RFX8: variants seen among roughly 807,000 people sequenced by gnomAD.
RFX8 encodes DNA-binding protein RFX8.
RFX8 carries 46 observed loss-of-function variants against 54.6 expected under a neutral mutation model. The ratio of observed to expected loss-of-function variants is 0.84; its 90% CI spans 0.67 to 1.08. RFX8 has a LOEUF of 1.08. Among genes scored for constraint, RFX8 ranks in the 50% least tolerant of loss-of-function variants. RFX8 has a pLI of 0.00. For synonymous variants in RFX8, 192 were observed against 209.5 expected, an observed-to-expected ratio of 0.92 and a Z score of 0.72; for missense variants, 536 against 562.3, an observed-to-expected ratio of 0.95 and a Z score of 0.47.
intron 2 of RFX8, among the ~76,000 whole-genome samples, chr2:101,431,372 C>T (rs1404708738): frequency 1.3e-5 from 2 of 152,198 alleles, no homozygotes; most frequent in Non-Finnish European, 2.9e-5. Context: ...AAACGTACAT[C>T]AGGGGGCCAT....
At chr2:101,427,485 T>G (rs1372449071) in intron 2 of RFX8, among the ~76,000 whole-genome samples, 1 of 152,108 alleles carries the variant, frequency 6.6e-6, no homozygotes, top group East Asian at 1.9e-4. Flanking sequence ...AGGGAAGGAA[T>G]GGATTCTTCC....
intron 10 of RFX8, among the ~76,000 whole-genome samples, chr2:101,405,654 G>A (rs1326251864): frequency 1.3e-5 from 2 of 152,054 alleles, no homozygotes; most frequent in African/African-American, 4.8e-5. Context: ...CTCTCTCGGT[G>A]CTTTTCTCTA....
intron 2 of RFX8, among the ~76,000 whole-genome samples, chr2:101,448,079 G>T (rs1407311309): frequency 1.3e-5 from 2 of 152,128 alleles, no homozygotes; most frequent in African/African-American, 2.4e-5. Context: ...TCATGAGGGT[G>T]GAGGCTTCAT....
chr2:101,419,024 C>A, intron 4 of RFX8, 60 bp from the exon 5 acceptor site: 1 of 813,422 alleles, frequency 1.2e-6, no homozygotes, highest in South Asian at 1.6e-5. Flanking sequence ...AGACTAACCC[C>A]CCGCCACAGA....
At chr2:101,412,231 C>A (rs1238753193) in intron 8 of RFX8, among the ~76,000 whole-genome samples, 1 of 152,218 alleles carries the variant, frequency 6.6e-6, no homozygotes, top group Non-Finnish European at 1.5e-5. Flanking sequence ...CGGTAACCAT[C>A]CTGCAGCTTC....
chr2:101,425,556 T>C (rs899697970), intron 2 of RFX8, among the ~76,000 whole-genome samples: 7 of 152,206 alleles, frequency 4.6e-5, no homozygotes, highest in Non-Finnish European at 1.0e-4. Context: ...GTTAAGATAT[T>C]CAAGAAACAA....
chr2:101,428,230 A>G (rs1303191734), intron 2 of RFX8, among the ~76,000 whole-genome samples: 1 of 152,160 alleles, frequency 6.6e-6, no homozygotes, highest in Non-Finnish European at 1.5e-5. Flanking sequence ...CTGGGCAACA[A>G]AACGAGATTC....
chr2:101,411,627 C>T (rs1686136729), intron 8 of RFX8, among the ~76,000 whole-genome samples: 2 of 152,088 alleles, frequency 1.3e-5, no homozygotes, highest in South Asian at 4.1e-4. Context: ...TGCAGAATTA[C>T]TAATCAGAAT....
chr2:101,466,309 GAA>G (rs34805689), intron 2 of RFX8, among the ~76,000 whole-genome samples: 9,406 of 132,410 alleles, frequency 0.071, 703 homozygotes, highest in African/African-American at 0.18. Context: ...TTCTATCTCG[GAA>G]AAAAAAAAAA....
Position 101,410,639 on chromosome 2 carries a change from G to A in RFX8, c.793C>T (p.Leu265Phe). 6 of 1,536,752 alleles carry A rather than the reference G, an allele frequency of 3.9e-6. No homozygotes were observed. The highest frequency in any genetic ancestry group is 5.3e-6 in the Non-Finnish European group (6 of 1,135,000). Reference protein sequence around the residue: ...RVFLSCLSSHLQAFVFQTSRS... With the variant: ...RVFLSCLSSHFQAFVFQTSRS... Reference sequence around the variant, plus strand: ...CCTACCTGGAACACAAATGCTTGGAGATGTGAAGACAGACAGCTGAGGAAT... The same window carrying A: ...CCTACCTGGAACACAAATGCTTGGAAATGTGAAGACAGACAGCTGAGGAAT... Residue 265 changes from leucine (L) to phenylalanine (F), a missense_variant, in exon 9 of 12, where the codon CTC becomes TTC. By Grantham distance (22) the Leu-to-Phe change is conservative. Transcript: ENST00000428343.
At chr2:101,434,240 T>G (rs1687648068) in intron 2 of RFX8, among the ~76,000 whole-genome samples, 7 of 152,086 alleles carry the variant, frequency 4.6e-5, no homozygotes. Context: ...CAAAAAAAAA[T>G]GTACACAAGA....
chr2:101,450,508 G>A (rs969361617), intron 2 of RFX8: 11 of 659,662 alleles, frequency 1.7e-5, no homozygotes, highest in Admixed American at 1.0e-4. Context: ...GATTACAGGC[G>A]TGAGCCACCA....
At chr2:101,428,978 C>G (rs941113895) in intron 2 of RFX8, 2 of 1,532,246 alleles carry the variant, frequency 1.3e-6, no homozygotes, top group Non-Finnish European at 1.7e-6. Context: ...TTGGATAATG[C>G]TGTTATAATT....
intron 2 of RFX8, among the ~76,000 whole-genome samples, chr2:101,455,341 C>T (rs551369692): frequency 6.6e-6 from 1 of 152,100 alleles, no homozygotes; most frequent in South Asian, 2.1e-4. Context: ...TGGTTTTTAT[C>T]GTTTTAGGTC....
At chr2:101,439,827 C>T (rs1000892799) in intron 2 of RFX8, among the ~76,000 whole-genome samples, 7 of 152,034 alleles carry the variant, frequency 4.6e-5, no homozygotes, top group African/African-American at 7.2e-5. Flanking sequence ...ATTCTCCTGT[C>T]GGCCTCCCGA....
chr2:101,473,071 T>C (rs1690099081), intron 1 of RFX8, among the ~76,000 whole-genome samples: 1 of 152,128 alleles, frequency 6.6e-6, no homozygotes, highest in South Asian at 2.1e-4. Context: ...CAAATCTGTG[T>C]TGGGCCTCAT....
intron 2 of RFX8, among the ~76,000 whole-genome samples, chr2:101,436,652 A>T (rs1558868163): frequency 6.6e-6 from 1 of 152,122 alleles, no homozygotes; most frequent in Non-Finnish European, 1.5e-5. Context: ...CAACATACTC[A>T]TCATAGGTTT....
intron 2 of RFX8, among the ~76,000 whole-genome samples, chr2:101,447,485 GCTT>G (rs927020600): frequency 1.3e-5 from 2 of 152,174 alleles, no homozygotes; most frequent in Non-Finnish European, 2.9e-5. Flanking sequence ...GCTCTTTGCT[GCTT>G]CTTCTTCTTT....
intron 10 of RFX8, among the ~76,000 whole-genome samples, chr2:101,404,790 G>A (rs1685636575): frequency 6.6e-6 from 1 of 152,138 alleles, no homozygotes; most frequent in South Asian, 2.1e-4. Context: ...GAAAGAGCAG[G>A]AGCATAAAGC....
Sources: allele counts gnomAD v4.1 joint callset (sites outside exome capture counted in the v4.1 genomes callset), GRCh38; gene constraint gnomAD v4.1.1; transcripts MANE v1.5; gene names NCBI Gene and HGNC (gene_info 2026-07-23, HGNC 2026-07-21).